Variants in FCHSD2 observed in about 807,000 individuals in gnomAD.
The protein encoded by FCHSD2 is F-BAR and double SH3 domains protein 2.
Under a neutral mutation model 108.1 loss-of-function variants are expected in FCHSD2, and 38 were observed. That is an observed-to-expected ratio of 0.35 (90% CI 0.27 to 0.46). FCHSD2 has a LOEUF of 0.46. FCHSD2 is among the 20% of genes least tolerant of loss of function. FCHSD2 has a pLI of 1.00. For synonymous variants in FCHSD2, 279 were observed against 314.7 expected (o/e 0.89, Z 1.20); for missense variants, 751 against 897.8 (o/e 0.84, Z 2.09).
At chr11:72,952,538 T>A (rs774126374) in intron 8 of FCHSD2, among the ~76,000 whole-genome samples, 6 of 152,200 alleles carry the variant, frequency 3.9e-5, no homozygotes, top group Non-Finnish European at 7.3e-5. Flanking sequence ...TTGGCCAGGC[T>A]GGTCTCAAAC....
intron 8 of FCHSD2, among the ~76,000 whole-genome samples, chr11:72,960,551 C>G (rs1245176970): frequency 6.6e-6 from 1 of 152,196 alleles, no homozygotes; most frequent in African/African-American, 2.4e-5. Flanking sequence ...TTGAGCCTAG[C>G]AGTTTCATAA....
rs1024660691 is a variant in FCHSD2 at position 73,088,691 on chromosome 11, T to C, written c.120-4951A>G. On this transcript the variant is annotated intron_variant, in intron 2 of 19. Transcript: ENST00000409418. Reference sequence around the variant, plus strand: ...GTTTTTCTAAAATTGGACTAAGAAATTATTATGACCAGCACTACCAAATGT... The same window carrying C: ...GTTTTTCTAAAATTGGACTAAGAAACTATTATGACCAGCACTACCAAATGT... Among the ~76,000 whole-genome samples the C allele has an allele frequency of 3.3e-5, 5 of 152,174 alleles. No individual in the cohort carries two copies. In the South Asian group the frequency reaches 8.3e-4, roughly 25 times the overall value.
At chr11:72,951,914 T>C (rs1449301502) in intron 8 of FCHSD2, among the ~76,000 whole-genome samples, 1 of 152,240 alleles carries the variant, frequency 6.6e-6, no homozygotes, top group Non-Finnish European at 1.5e-5. Flanking sequence ...AAATCCTATT[T>C]GACAAGAATA....
chr11:72,936,163 T>A (rs1856296328), intron 8 of FCHSD2, among the ~76,000 whole-genome samples: 1 of 152,184 alleles, frequency 6.6e-6, no homozygotes, highest in Non-Finnish European at 1.5e-5. Flanking sequence ...AAGAGTATGG[T>A]ATGTGTAAAT....
intron 12 of FCHSD2, among the ~76,000 whole-genome samples, chr11:72,871,369 G>A (rs1591358951): frequency 2.0e-5 from 3 of 152,326 alleles, no homozygotes; most frequent in African/African-American, 7.2e-5. Flanking sequence ...GAGTCAATGT[G>A]TTTTGTGTCA....
chr11:73,049,536 G>A (rs1482341818), intron 3 of FCHSD2, among the ~76,000 whole-genome samples: 1 of 136,322 alleles, frequency 7.3e-6, no homozygotes, highest in Admixed American at 7.5e-5. Context: ...GACTGTGGTG[G>A]GGTCGGGGGA....
chr11:72,887,977 A>G (rs1003566675), intron 11 of FCHSD2, among the ~76,000 whole-genome samples: 10 of 152,256 alleles, frequency 6.6e-5, no homozygotes, highest in African/African-American at 2.4e-4. Flanking sequence ...AGTGAAAAGA[A>G]GATGTCAAAA....
intron 12 of FCHSD2, among the ~76,000 whole-genome samples, chr11:72,882,311 G>A (rs1212231973): frequency 2.0e-5 from 3 of 151,206 alleles, no homozygotes; most frequent in Admixed American, 6.6e-5. Context: ...GCGTGGTGGC[G>A]TGTGCCACTG....
chr11:73,015,761 T>G, intron 4 of FCHSD2, 48 bp downstream of exon 4: 1 of 1,187,522 alleles, frequency 8.4e-7, no homozygotes, highest in South Asian at 1.3e-5. Flanking sequence ...TAACATAGCT[T>G]TAAGTAAAAC....
intron 13 of FCHSD2, 114 bp from the exon 14 acceptor site, chr11:72,850,003 G>T (rs1460656788): frequency 4.4e-6 from 3 of 685,456 alleles, no homozygotes; most frequent in African/African-American, 1.8e-5. Flanking sequence ...TTTTAACTCT[G>T]CATAGAAATG....
chr11:73,127,977 G>T (rs1860898789), intron 2 of FCHSD2, among the ~76,000 whole-genome samples: 1 of 144,300 alleles, frequency 6.9e-6, no homozygotes, highest in African/African-American at 2.6e-5. Flanking sequence ...TCACACCACT[G>T]TACTCCAGCC....
intron 8 of FCHSD2, among the ~76,000 whole-genome samples, chr11:72,983,045 A>G (rs1857243578): frequency 6.6e-6 from 1 of 152,084 alleles, no homozygotes; most frequent in Non-Finnish European, 1.5e-5. Context: ...CTGTAATCCC[A>G]GCACTTTGGG....
intron 3 of FCHSD2, among the ~76,000 whole-genome samples, chr11:73,078,999 G>A (rs372687487): frequency 6.6e-5 from 10 of 152,128 alleles, no homozygotes; most frequent in African/African-American, 1.9e-4. Context: ...GATTACAGGC[G>A]TGCGCTACCG....
chr11:72,903,617 G>C (rs988442463), intron 9 of FCHSD2, among the ~76,000 whole-genome samples: 2 of 152,092 alleles, frequency 1.3e-5, no homozygotes, highest in Non-Finnish European at 2.9e-5. Context: ...CATACCTTGG[G>C]AAAGAGTGGA....
At chr11:72,870,483 C>T (rs1479993171) in intron 12 of FCHSD2, among the ~76,000 whole-genome samples, 1 of 152,068 alleles carries the variant, frequency 6.6e-6, no homozygotes, top group African/African-American at 2.4e-5. Context: ...CTCTACCAAT[C>T]TTGAAAGACT....
intron 5 of FCHSD2, 130 bp from the exon 6 acceptor site, chr11:72,989,227 C>A: frequency 1.7e-6 from 1 of 592,220 alleles, no homozygotes. Context: ...GTTCAGTGTC[C>A]TTCAAATTGC....
chr11:73,099,649 C>A (rs1234954397), intron 2 of FCHSD2, among the ~76,000 whole-genome samples: 1 of 152,236 alleles, frequency 6.6e-6, no homozygotes, highest in East Asian at 1.9e-4. Context: ...ACCGCCCAGG[C>A]ACCCCTGAGC....
chr11:73,123,612 A>G (rs924218882), intron 2 of FCHSD2, among the ~76,000 whole-genome samples: 7 of 152,216 alleles, frequency 4.6e-5, no homozygotes, highest in African/African-American at 1.7e-4. Flanking sequence ...AAAATATTTC[A>G]AAGACAATGT....
intron 12 of FCHSD2, among the ~76,000 whole-genome samples, chr11:72,876,859 C>T (rs186692169): frequency 2.8e-4 from 42 of 152,188 alleles, no homozygotes; most frequent in African/African-American, 9.9e-4. Flanking sequence ...ATTATATATA[C>T]GTCCAGGATT....
Sources: allele counts gnomAD v4.1 joint callset (sites outside exome capture counted in the v4.1 genomes callset), GRCh38; gene constraint gnomAD v4.1.1; transcripts MANE v1.5; gene names NCBI Gene and HGNC (gene_info 2026-07-23, HGNC 2026-07-21).